Variants in MEIS2 observed in about 807,000 individuals in gnomAD.
MEIS2 encodes homeobox protein Meis2.
MEIS2 carries 9 observed loss-of-function variants against 58.6 expected under a neutral mutation model. The observed-to-expected ratio is 0.15, with a 90% CI of 0.09 to 0.27. The LOEUF (loss-of-function observed/expected upper bound fraction) is 0.27, where lower values mean the gene tolerates loss of function less well. MEIS2 is among the 10% of genes least tolerant of loss of function. MEIS2 has a pLI of 1.00. For synonymous variants in MEIS2, 221 were observed against 228.4 expected (o/e 0.97, Z 0.29); for missense variants, 427 against 635.0 (o/e 0.67, Z 3.52).
intron 9 of MEIS2, among the ~76,000 whole-genome samples, chr15:36,913,292 TA>T (rs965247688): frequency 6.6e-6 from 1 of 152,220 alleles, no homozygotes; most frequent in African/African-American, 2.4e-5. Context: ...TTTTATATTT[TA>T]AAAAATTAAA....
chr15:36,925,209 C>T (rs112553515), intron 9 of MEIS2, among the ~76,000 whole-genome samples: 194 of 152,302 alleles, frequency 1.3e-3, no homozygotes, highest in Non-Finnish European at 2.3e-3. Context: ...AGAGAAAGTC[C>T]TATCAAATGA....
chr15:36,947,027 A>C (rs2058591991), intron 9 of MEIS2, among the ~76,000 whole-genome samples: 1 of 152,014 alleles, frequency 6.6e-6, no homozygotes, highest in Non-Finnish European at 1.5e-5. Context: ...GTTGTTTTAC[A>C]GCTGATTTGA....
chr15:36,917,005 A>G (rs187175229), intron 9 of MEIS2, among the ~76,000 whole-genome samples: 127 of 152,302 alleles, frequency 8.3e-4, no homozygotes, highest in Admixed American at 5.0e-3. Context: ...ATGCACACAT[A>G]TGCGCACACA....
chr15:37,067,660 A>C (rs1890136157), intron 7 of MEIS2, among the ~76,000 whole-genome samples: 1 of 151,960 alleles, frequency 6.6e-6, no homozygotes, highest in Non-Finnish European at 1.5e-5. Flanking sequence ...GTACACAGGA[A>C]ACTGAGAATT....
intron 9 of MEIS2, among the ~76,000 whole-genome samples, chr15:36,905,384 A>G (rs912022477): frequency 6.6e-6 from 1 of 152,094 alleles, no homozygotes; most frequent in Non-Finnish European, 1.5e-5. Flanking sequence ...CCCTCTATCT[A>G]GGGGAACAGA....
In MEIS2 at chr15:37,098,071, G is replaced by A; in HGVS notation, c.141C>T (p.Ala47=). The A allele has an allele frequency of 6.2e-7, 1 of 1,613,810 alleles. No individual in the cohort carries two copies. The highest frequency in any genetic ancestry group is 8.5e-7 in the Non-Finnish European group (1 of 1,179,938). ...GGGCGTGCGCGCCGTAGTGCTGTGT[G>A]GCGTGGAGCGGCGGCCCGTGGTTCA... ...HHLNHGPPLH[A]TQHYGAHAPH... Residue 47 remains alanine (A), a synonymous_variant, in exon 2 of 12, where the codon GCC becomes GCT. Coordinates refer to ENST00000561208, the MANE Select transcript of MEIS2 (RefSeq NM_170675.5).
chr15:37,045,459 T>C (rs1011206542), intron 7 of MEIS2, among the ~76,000 whole-genome samples: 2 of 151,410 alleles, frequency 1.3e-5, no homozygotes, highest in African/African-American at 4.9e-5. Context: ...GAAACCTGCA[T>C]CAGGATTTCA....
chr15:36,936,011 G>A (rs1451972920), intron 9 of MEIS2, among the ~76,000 whole-genome samples: 1 of 151,992 alleles, frequency 6.6e-6, no homozygotes, highest in African/African-American at 2.4e-5. Flanking sequence ...TTGCTGCTCA[G>A]ATAAGACCCT....
chr15:36,906,234 T>C (rs2056729406), intron 9 of MEIS2, among the ~76,000 whole-genome samples: 1 of 152,164 alleles, frequency 6.6e-6, no homozygotes, highest in African/African-American at 2.4e-5. Flanking sequence ...AATGGTAGAA[T>C]GATAAAATAT....
chr15:37,029,605 C>T (rs1268377422), intron 8 of MEIS2, among the ~76,000 whole-genome samples: 2 of 152,006 alleles, frequency 1.3e-5, no homozygotes, highest in Admixed American at 1.3e-4. Context: ...ACATCTCTAA[C>T]CCTTGGTGAT....
At chr15:36,972,211 A>G (rs2059594111) in intron 8 of MEIS2, among the ~76,000 whole-genome samples, 1 of 152,246 alleles carries the variant, frequency 6.6e-6, no homozygotes, top group African/African-American at 2.4e-5. Context: ...AAGTTATGAT[A>G]AGATGTAGTA....
chr15:37,060,449 G>A (rs144524306), intron 7 of MEIS2, among the ~76,000 whole-genome samples: 304 of 152,240 alleles, frequency 2.0e-3, no homozygotes, highest in African/African-American at 6.9e-3. Context: ...GTTCAATTAA[G>A]CACATATTCT....
intron 9 of MEIS2, among the ~76,000 whole-genome samples, chr15:36,905,499 A>C (rs2056687835): frequency 6.6e-6 from 1 of 152,054 alleles, no homozygotes; most frequent in Non-Finnish European, 1.5e-5. Context: ...GTATTCATAG[A>C]TGCTTTCTCT....
intron 9 of MEIS2, among the ~76,000 whole-genome samples, chr15:36,906,988 T>C (rs2056772457): frequency 6.6e-6 from 1 of 152,220 alleles, no homozygotes. Flanking sequence ...TAGAGGCCAA[T>C]GATAATTACA....
At chr15:36,971,536 T>TAA (rs1567126001) in intron 8 of MEIS2, among the ~76,000 whole-genome samples, 699 of 65,420 alleles carry the variant, frequency 0.011, 116 homozygotes, top group East Asian at 0.044. Flanking sequence ...CCTTGTTACA[T>TAA]TAAAAAAAAA....
At chr15:36,972,511 C>T (rs117147420) in intron 8 of MEIS2, among the ~76,000 whole-genome samples, 12,466 of 152,176 alleles carry the variant, frequency 0.082, 737 homozygotes, top group South Asian at 0.26. Flanking sequence ...CCCACCTTGG[C>T]CTCCCAAAGT....
intron 9 of MEIS2, among the ~76,000 whole-genome samples, chr15:36,937,946 C>T (rs1229034713): frequency 2.0e-5 from 3 of 152,184 alleles, no homozygotes; most frequent in Non-Finnish European, 4.4e-5. Flanking sequence ...ACTTTGCCTA[C>T]TATTCCATTT....
At chr15:36,896,940 C>G (rs1329223021) in intron 9 of MEIS2, 1 of 384,508 alleles carries the variant, frequency 2.6e-6, no homozygotes, top group Non-Finnish European at 4.7e-6. Flanking sequence ...GAGAAAGCTT[C>G]TATTAACTTC....
chr15:36,989,936 G>C (rs1479922858), intron 8 of MEIS2, among the ~76,000 whole-genome samples: 1 of 151,778 alleles, frequency 6.6e-6, no homozygotes, highest in Non-Finnish European at 1.5e-5. Context: ...AAGCAGTTTT[G>C]TTTGTTTGTT....
Sources: gnomAD v4.1 joint callset for allele counts (sites outside exome capture counted in the v4.1 genomes callset) on GRCh38, gnomAD v4.1.1 for gene constraint, MANE v1.5 for transcripts, NCBI Gene and HGNC (gene_info 2026-07-23, HGNC 2026-07-21) for gene names.